Variants in ODAD4 observed in about 807,000 individuals in gnomAD.
The protein encoded by ODAD4 is outer dynein arm docking complex subunit 4, also known as outer dynein arm-docking complex subunit 4.
In ODAD4, 49 loss-of-function variants were observed where a neutral mutation model predicts 51.8. The ratio of observed to expected loss-of-function variants is 0.95; its 90% CI spans 0.75 to 1.20. The LOEUF (loss-of-function observed/expected upper bound fraction) is 1.20. ODAD4 is among the 50% of genes most tolerant of loss of function. The pLI is 0.00. For synonymous variants in ODAD4, 235 were observed against 221.3 expected (o/e 1.06, Z -0.55); for missense variants, 590 against 586.5 (o/e 1.01, Z -0.06).
At chr17:41,936,356 G>A (rs2050426399) in intron 3 of ODAD4, 117 bp from the exon 4 acceptor site, 1 of 741,136 alleles carries the variant, frequency 1.3e-6, no homozygotes, top group South Asian at 1.6e-5. Flanking sequence ...CTTAGGGCCA[G>A]CTTTGCCACA....
intron 7 of ODAD4, among the ~76,000 whole-genome samples, chr17:41,944,281 T>C (rs1028473720): frequency 2.6e-5 from 4 of 151,588 alleles, no homozygotes; most frequent in African/African-American, 9.7e-5. Context: ...TGAGAGTCAC[T>C]TGAACCCCGG....
intron 7 of ODAD4, among the ~76,000 whole-genome samples, chr17:41,941,841 C>T (rs2050511756): frequency 6.6e-6 from 1 of 152,048 alleles, no homozygotes; most frequent in South Asian, 2.1e-4. Context: ...CCCCTAGGCT[C>T]CCTCTCCACA....
intron 7 of ODAD4, 64 bp from the exon 8 acceptor site, chr17:41,945,072 T>C: frequency 7.4e-7 from 1 of 1,347,780 alleles, no homozygotes; most frequent in Non-Finnish European, 1.0e-6. Context: ...CCTTCTTTCC[T>C]ATTTCCACAG....
At chr17:41,962,520 C>T (rs2050819598) in intron 11 of ODAD4, among the ~76,000 whole-genome samples, 1 of 152,162 alleles carries the variant, frequency 6.6e-6, no homozygotes, top group Admixed American at 6.5e-5. Flanking sequence ...TAGCCGACCC[C>T]CATTCATGCT....
intron 1 of ODAD4, among the ~76,000 whole-genome samples, chr17:41,932,082 T>C (rs1056337725): frequency 4.6e-5 from 7 of 151,778 alleles, no homozygotes; most frequent in African/African-American, 1.7e-4. Flanking sequence ...ATTTTTGTTG[T>C]TGTTAAGATG....
rs563409723 is a variant in ODAD4 at position 41,934,590 on chromosome 17, G to A, written c.115-627G>A. Among the ~76,000 whole-genome samples the A allele has an allele frequency of 1.4e-4, 22 of 152,104 alleles. No homozygotes were observed. In the South Asian group the frequency reaches 2.1e-3, roughly 14 times the overall value. Reference sequence around the variant, plus strand: ...TGGTCTCAAACTCTTGGGCTCAAGCGTTCCGCCCACCTCGACCTGCCAAAG... The same window carrying A: ...TGGTCTCAAACTCTTGGGCTCAAGCATTCCGCCCACCTCGACCTGCCAAAG... On this transcript the variant is annotated intron_variant, in intron 1 of 11. Coordinates refer to ENST00000377540, the MANE Select transcript of ODAD4 (RefSeq NM_031421.5).
chr17:41,951,532 C>T (rs922612885), intron 9 of ODAD4, among the ~76,000 whole-genome samples: 9 of 147,792 alleles, frequency 6.1e-5, no homozygotes, highest in Non-Finnish European at 1.0e-4. Context: ...CTCCGCCTCC[C>T]GGGGTCAAGT....
At chr17:41,960,450 AAAAAAAAAC>A (rs201849192) in intron 10 of ODAD4, among the ~76,000 whole-genome samples, 28 of 104,682 alleles carry the variant, frequency 2.7e-4, no homozygotes, top group East Asian at 1.6e-3. Context: ...TCTGTCTCAA[AAAAAAAAAC>A]AAACAAACAA....
chr17:41,957,467 T>A (rs2050748631), intron 10 of ODAD4, among the ~76,000 whole-genome samples: 1 of 152,162 alleles, frequency 6.6e-6, no homozygotes, highest in Non-Finnish European at 1.5e-5. Context: ...GCTTACCTCC[T>A]GCTGTGTGGC....
At chr17:41,959,797 T>C (rs1555641455) in intron 10 of ODAD4, among the ~76,000 whole-genome samples, 1 of 152,164 alleles carries the variant, frequency 6.6e-6, no homozygotes, top group Non-Finnish European at 1.5e-5. Flanking sequence ...CCTCTGTTTT[T>C]TGGGAGGCAG....
chr17:41,956,384 C>T (rs2050733262), intron 10 of ODAD4, among the ~76,000 whole-genome samples: 1 of 151,290 alleles, frequency 6.6e-6, no homozygotes, highest in Non-Finnish European at 1.5e-5. Context: ...TGGGATTTAG[C>T]CATGTTGGCC....
Position 41,965,434 on chromosome 17 carries a change from TAGG to T in ODAD4, c.1973_1975del (p.Gly658del), listed in dbSNP as rs2050869385. ...CTGGGAAAAACACAATTTGGAGAAA[TAGG>T]AGAAACGAAAAAAACAGGAAATGAG... On this transcript the variant is annotated inframe_deletion, in exon 12 of 12. Coordinates refer to ENST00000377540, the MANE Select transcript of ODAD4 (RefSeq NM_031421.5). The T allele has an allele frequency of 2.6e-6, 2 of 773,706 alleles. No homozygotes were observed. The highest frequency in any genetic ancestry group is 3.5e-5 in the Admixed American group (2 of 57,540). 47.9% of individuals were successfully genotyped at this position (773,706 alleles called of 1,614,324 possible).
At chr17:41,941,522 G>C (rs1238108013) in intron 7 of ODAD4, among the ~76,000 whole-genome samples, 3 of 152,294 alleles carry the variant, frequency 2.0e-5, no homozygotes, top group African/African-American at 7.2e-5. Flanking sequence ...CCAGCATTTT[G>C]GGAGGCCAAG....
intron 7 of ODAD4, among the ~76,000 whole-genome samples, chr17:41,940,615 C>T (rs548271212): frequency 1.3e-5 from 2 of 152,318 alleles, no homozygotes; most frequent in African/African-American, 4.8e-5. Context: ...CTAACTGGCT[C>T]TGCCACTTAG....
At chr17:41,935,566 T>C in intron 2 of ODAD4, 33 bp from the exon 3 acceptor site, 5 of 1,597,256 alleles carry the variant, frequency 3.1e-6, no homozygotes, top group Non-Finnish European at 4.3e-6. Context: ...AGGCCTTATC[T>C]GTTCACATTG....
At chr17:41,960,883 AGGCTCACAGG>A (rs2050796921) in intron 10 of ODAD4, among the ~76,000 whole-genome samples, 1 of 152,126 alleles carries the variant, frequency 6.6e-6, no homozygotes, top group South Asian at 2.1e-4. Context: ...TGCCCTCCAG[AGGCTCACAGG>A]GGCTCCAGGC....
At chr17:41,960,166 CAAG>C (rs1225625504) in intron 10 of ODAD4, among the ~76,000 whole-genome samples, 2 of 152,148 alleles carry the variant, frequency 1.3e-5, no homozygotes, top group African/African-American at 4.8e-5. Flanking sequence ...TCCTAGCCCA[CAAG>C]AAGATTACAA....
At chr17:41,934,524 T>A (rs1298374728) in intron 1 of ODAD4, among the ~76,000 whole-genome samples, 1 of 151,796 alleles carries the variant, frequency 6.6e-6, no homozygotes, top group African/African-American at 2.4e-5. Context: ...GCTAATTTTT[T>A]TGTATTTCGT....
chr17:41,938,807 G>A (rs1555638273), intron 6 of ODAD4, 26 bp downstream of exon 6: 2 of 1,608,388 alleles, frequency 1.2e-6, no homozygotes, highest in African/African-American at 1.3e-5. Context: ...AGAGGGTGGG[G>A]CAGGTGCCTC....
Sources: allele counts gnomAD v4.1 joint callset (sites outside exome capture counted in the v4.1 genomes callset), GRCh38; gene constraint gnomAD v4.1.1; transcripts MANE v1.5; gene names NCBI Gene and HGNC (gene_info 2026-07-23, HGNC 2026-07-21).